Variants in PADI2 observed in about 807,000 individuals in gnomAD.
The protein encoded by PADI2 is protein-arginine deiminase type-2.
PADI2 carries 70 observed loss-of-function variants against 81.1 expected under a neutral mutation model. That is an observed-to-expected ratio of 0.86 (90% CI 0.71 to 1.05). The LOEUF (loss-of-function observed/expected upper bound fraction) is 1.05. Ranked by LOEUF, PADI2 falls within the 50% of genes least tolerant of loss-of-function variation. The pLI, the probability that PADI2 is intolerant of heterozygous loss-of-function variation, is 0.00. For missense variants in PADI2, 853 were observed against 889.9 expected, an observed-to-expected ratio of 0.96 and a Z score of 0.53; for synonymous variants, 338 against 358.0, an observed-to-expected ratio of 0.94 and a Z score of 0.63.
chr1:17,096,716 C>T (rs1930945733), intron 3 of PADI2, among the ~76,000 whole-genome samples: 1 of 152,172 alleles, frequency 6.6e-6, no homozygotes, highest in African/African-American at 2.4e-5. Context: ...GGTTTAGTAT[C>T]AGACAAGGTG....
intron 13 of PADI2, among the ~76,000 whole-genome samples, chr1:17,071,793 G>A (rs1008683520): frequency 1.7e-4 from 26 of 152,166 alleles, no homozygotes; most frequent in Non-Finnish European, 3.4e-4. Context: ...TAGCCCCCTG[G>A]TTCTCCCACC....
At position 17,069,071 on chromosome 1, in the gene PADI2, G is replaced by C; in HGVS notation, c.1971C>G (p.Thr657=). 1 of 1,614,182 alleles carries C rather than the reference G, an allele frequency of 6.2e-7. No homozygotes were observed. The highest frequency in any genetic ancestry group is 8.5e-7 in the Non-Finnish European group (1 of 1,179,988). ...CGTNVRRKPF[T]FKWWHMVP ...AGGGCACCATGTGCCACCACTTGAA[G>C]GTGAAGGGCTTCCTGCGGACGTTGG... Residue 657 remains threonine, a synonymous_variant, in exon 16 of 16, where the codon ACC becomes ACG. Transcript: ENST00000375486.
chr1:17,069,662 T>C (rs1420553452), intron 15 of PADI2, among the ~76,000 whole-genome samples: 12 of 152,106 alleles, frequency 7.9e-5, no homozygotes, highest in Non-Finnish European at 1.2e-4. Flanking sequence ...TGTGTGTTTC[T>C]GTGTGCATGT....
chr1:17,103,144 T>C (rs1931212830), intron 2 of PADI2, 85 bp from the exon 3 acceptor site: 1 of 946,872 alleles, frequency 1.1e-6, no homozygotes, highest in Non-Finnish European at 1.7e-6. Flanking sequence ...AAGCAACTGC[T>C]GTCCCTCACA....
At position 17,067,738 on chromosome 1, in the gene PADI2, G is replaced by C. The variant is rs2078233156; in HGVS notation, c.*1306C>G. ...GGCATACAACAAATGTTTGTTGAAT[G>C]GTTGAAGGAAATAATCCCAAATGAA... On this transcript the variant is annotated 3_prime_UTR_variant, in exon 16 of 16. Coordinates refer to ENST00000375486, the MANE Select transcript of PADI2 (RefSeq NM_007365.3). 1 of 152,310 alleles carries C rather than the reference G, an allele frequency of 6.6e-6. No homozygotes were observed. The highest frequency in any genetic ancestry group is 6.5e-5 in the Admixed American group (1 of 15,296). 9.4% of individuals were successfully genotyped at this position (152,310 alleles called of 1,614,324 possible). A position where few individuals can be genotyped will look rare whatever the true frequency, so the allele number is the denominator to read the frequency against.
At chr1:17,076,875 C>G (rs1453454722) in intron 11 of PADI2, among the ~76,000 whole-genome samples, 4 of 151,986 alleles carry the variant, frequency 2.6e-5, no homozygotes, top group Non-Finnish European at 5.9e-5. Flanking sequence ...CCGCTCCCGG[C>G]CAGCCCTTCC....
chr1:17,102,751 T>TGCG (rs1553183543), intron 3 of PADI2, among the ~76,000 whole-genome samples: 5 of 139,516 alleles, frequency 3.6e-5, no homozygotes, highest in Admixed American at 7.1e-5. Flanking sequence ...CCTTGACACT[T>TGCG]GGGGGGGGGT....
At chr1:17,091,049 G>A (rs894284557) in intron 6 of PADI2, among the ~76,000 whole-genome samples, 8 of 151,880 alleles carry the variant, frequency 5.3e-5, no homozygotes, top group African/African-American at 1.5e-4. Flanking sequence ...CCGGCCCCCT[G>A]CGGCAGCGGA....
intron 3 of PADI2, among the ~76,000 whole-genome samples, chr1:17,099,174 G>A (rs1931052209): frequency 6.6e-6 from 1 of 152,202 alleles, no homozygotes; most frequent in African/African-American, 2.4e-5. Flanking sequence ...TCGCCAGAGA[G>A]TGGCAGGGTG....
At chr1:17,080,784 A>G (rs2078338583) in intron 10 of PADI2, among the ~76,000 whole-genome samples, 1 of 152,130 alleles carries the variant, frequency 6.6e-6, no homozygotes, top group Admixed American at 6.5e-5. Context: ...AAATATAGGA[A>G]TCTTGTTTGG....
Position 17,069,081 on chromosome 1 carries a change from T to G in PADI2, c.1961A>C (p.Lys654Thr). The change falls in exon 16 of 16, where the codon AAG becomes ACG. Residue 654 changes from lysine (K) to threonine (T), a missense_variant. By Grantham distance (78) the Lys-to-Thr change is moderately conservative (BLOSUM62 -1). Transcript: ENST00000375486. ...GTGCCACCACTTGAAGGTGAAGGGC[T>G]TCCTGCGGACGTTGGTGCCACAGTG... The part of the protein sequence containing the change: ...EVHCGTNVRR[K>T]PFTFKWWHMV... 6.2e-7 allele frequency: 1 copy of G among 1,614,192 alleles called. No homozygotes were observed. The highest frequency in any genetic ancestry group is 8.5e-7 in the Non-Finnish European group (1 of 1,180,010).
Position 17,093,549 on chromosome 1 carries a change from T to G in PADI2, c.529+18A>C, listed in dbSNP as rs772211627. On this transcript the variant is annotated intron_variant, in intron 5 of 15. Transcript: ENST00000375486. ...CACTCCTCTCATCCTGCCCCCCAAGTGCAGGGCCTGCTGGCACCTTCCTTG... is the reference window on the plus strand; with the variant it reads ...CACTCCTCTCATCCTGCCCCCCAAGGGCAGGGCCTGCTGGCACCTTCCTTG... The G allele has an allele frequency of 2.0e-6, 3 of 1,485,630 alleles. No individual in the cohort carries two copies. The highest frequency in any genetic ancestry group is 1.4e-5 in the African/African-American group (1 of 72,456). 92.0% of individuals were successfully genotyped at this position (1,485,630 alleles called of 1,614,324 possible). A position where few individuals can be genotyped will look rare whatever the true frequency, so the allele number is the denominator to read the frequency against.
chr1:17,085,485 G>A (rs976039279), intron 7 of PADI2, among the ~76,000 whole-genome samples: 23 of 152,168 alleles, frequency 1.5e-4, no homozygotes, highest in Admixed American at 1.2e-3. Flanking sequence ...CCCCTATCCT[G>A]TTAGCTTTGC....
At chr1:17,095,760 T>C (rs1930900547) in intron 4 of PADI2, 149 bp downstream of exon 4, 1 of 597,384 alleles carries the variant, frequency 1.7e-6, no homozygotes, top group Non-Finnish European at 3.0e-6. Flanking sequence ...AGCTCCTCTG[T>C]GGGTTCCATC....
chr1:17,078,174 C>T lies in PADI2; in HGVS notation c.1310+1090G>A, dbSNP rs542409042. ...TTGCCCAGGCTGGAGTGCAATGGCG[C>T]GATCTCGGCTCACTGCAACCTCTGC... On this transcript the variant is annotated intron_variant, in intron 11 of 15. Transcript: ENST00000375486. 7.3e-5 allele frequency among the ~76,000 whole-genome samples: 11 copies of T among 151,478 alleles called. No individual in the cohort carries two copies. In the East Asian group the frequency reaches 1.6e-3, roughly 22 times the overall value.
chr1:17,111,269 T>G (rs1192017954), intron 1 of PADI2, among the ~76,000 whole-genome samples: 2 of 151,738 alleles, frequency 1.3e-5, no homozygotes, highest in Non-Finnish European at 2.9e-5. Context: ...AATTTTTGTA[T>G]TTTTTAGTAG....
At chr1:17,105,581 AT>A (rs1931343018) in intron 1 of PADI2, among the ~76,000 whole-genome samples, 1 of 151,998 alleles carries the variant, frequency 6.6e-6, no homozygotes, top group Non-Finnish European at 1.5e-5. Context: ...TTTAGTAGAG[AT>A]GGGGTTTCTC....
chr1:17,085,632 T>C (rs1004442422), intron 7 of PADI2, among the ~76,000 whole-genome samples: 22 of 152,200 alleles, frequency 1.4e-4, no homozygotes, highest in Admixed American at 1.2e-3. Context: ...AAACTACCCT[T>C]AACTAAGGAA....
intron 4 of PADI2, among the ~76,000 whole-genome samples, chr1:17,095,270 G>A (rs1282763183): frequency 2.0e-5 from 3 of 152,188 alleles, no homozygotes; most frequent in Non-Finnish European, 2.9e-5. Flanking sequence ...ACACCATGCC[G>A]TCTGCACAAA....
Sources: allele counts gnomAD v4.1 joint callset (sites outside exome capture counted in the v4.1 genomes callset), GRCh38; gene constraint gnomAD v4.1.1; transcripts MANE v1.5; gene names NCBI Gene and HGNC (gene_info 2026-07-23, HGNC 2026-07-21).